The following LGR5 variants were observed in gnomAD, a reference collection of about 807,000 sequenced individuals.
LGR5 encodes the protein leucine rich repeat containing G protein-coupled receptor 5.
In LGR5, 54 loss-of-function variants were observed where a neutral mutation model predicts 76.7. The observed-to-expected ratio is 0.70, with a 90% CI of 0.57 to 0.88. LGR5 has a LOEUF of 0.88. LGR5 is among the 40% of genes least tolerant of loss of function. The probability of loss-of-function intolerance (pLI) is 0.00; values close to 1 mark genes in which losing one functional copy is unlikely to be tolerated. For synonymous variants in LGR5, 406 were observed against 421.9 expected, an observed-to-expected ratio of 0.96 and a Z score of 0.46; for missense variants, 1,078 against 1,073.3, an observed-to-expected ratio of 1.00 and a Z score of -0.06.
chr12:71,509,759 T>A (rs1424680743), intron 2 of LGR5, among the ~76,000 whole-genome samples: 2 of 152,174 alleles, frequency 1.3e-5, no homozygotes, highest in African/African-American at 4.8e-5. Flanking sequence ...AGTAGTATTT[T>A]AAAATCTTCC....
chr12:71,472,178 C>T (rs960738439), intron 1 of LGR5, among the ~76,000 whole-genome samples: 2 of 152,146 alleles, frequency 1.3e-5, no homozygotes, highest in African/African-American at 4.8e-5. Context: ...GATGTGCCTG[C>T]AGCATATATA....
At chr12:71,505,833 T>C (rs1874825154) in intron 2 of LGR5, among the ~76,000 whole-genome samples, 1 of 152,174 alleles carries the variant, frequency 6.6e-6, no homozygotes, top group Non-Finnish European at 1.5e-5. Flanking sequence ...GATTTCTAGA[T>C]TGTATAGAAG....
At chr12:71,503,796 C>G (rs2137302498) in intron 1 of LGR5, among the ~76,000 whole-genome samples, 1 of 152,292 alleles carries the variant, frequency 6.6e-6, no homozygotes, top group East Asian at 1.9e-4. Flanking sequence ...TGATTAGAAT[C>G]TGTCCAGCTG....
chr12:71,576,119 A>G (rs1878844518), intron 13 of LGR5, among the ~76,000 whole-genome samples: 1 of 152,170 alleles, frequency 6.6e-6, no homozygotes, highest in Non-Finnish European at 1.5e-5. Context: ...CATCAGGATA[A>G]ATAGTTAATG....
intron 3 of LGR5, among the ~76,000 whole-genome samples, chr12:71,528,784 CAA>C: frequency 6.6e-6 from 1 of 152,294 alleles, no homozygotes; most frequent in African/African-American, 2.4e-5. Flanking sequence ...TACTGCCTAG[CAA>C]AGTCTACCAC....
intron 17 of LGR5, among the ~76,000 whole-genome samples, chr12:71,582,911 G>T (rs1311820375): frequency 6.7e-6 from 1 of 148,644 alleles, no homozygotes; most frequent in East Asian, 2.0e-4. Flanking sequence ...ATAACTATTT[G>T]GTAAAAGCAA....
intron 11 of LGR5, among the ~76,000 whole-genome samples, chr12:71,568,415 T>C (rs963870632): frequency 7.2e-5 from 11 of 152,168 alleles, no homozygotes; most frequent in Non-Finnish European, 8.8e-5. Flanking sequence ...TGACTACATG[T>C]CAAACAGTTA....
At chr12:71,537,482 G>A (rs1034621259) in intron 4 of LGR5, among the ~76,000 whole-genome samples, 1 of 151,544 alleles carries the variant, frequency 6.6e-6, no homozygotes, top group Non-Finnish European at 1.5e-5. Flanking sequence ...AGTAAGAAAA[G>A]AAAAGAAAAG....
chr12:71,562,644 G>A (rs947251539), intron 8 of LGR5, among the ~76,000 whole-genome samples: 8 of 152,162 alleles, frequency 5.3e-5, no homozygotes, highest in African/African-American at 1.7e-4. Context: ...ACAGTAGAAT[G>A]ATGATATACA....
intron 3 of LGR5, among the ~76,000 whole-genome samples, chr12:71,534,325 C>T (rs1279962457): frequency 6.6e-6 from 1 of 152,084 alleles, no homozygotes; most frequent in African/African-American, 2.4e-5. Flanking sequence ...ATTCTGTAGT[C>T]CCCATATTAT....
intron 3 of LGR5, among the ~76,000 whole-genome samples, chr12:71,532,963 G>A (rs1876399249): frequency 2.0e-5 from 3 of 152,178 alleles, no homozygotes; most frequent in Non-Finnish European, 2.9e-5. Context: ...AGGCTGAGGC[G>A]GGAGGATCCC....
intron 2 of LGR5, among the ~76,000 whole-genome samples, chr12:71,508,977 C>T (rs536954056): frequency 6.6e-6 from 1 of 152,172 alleles, no homozygotes; most frequent in East Asian, 1.9e-4. Flanking sequence ...TGTGACTCTA[C>T]AAGGTGACCA....
In LGR5 at chr12:71,468,958, C is replaced by T. The variant is rs143518074; in HGVS notation, c.212+28666C>T. ...TATTAATATAAGAGCTGTAAATAGC[C>T]CCCCAAATATTAAAAGTGTAATGTC... On this transcript the variant is annotated intron_variant, in intron 1 of 17. Transcript: ENST00000266674. Among the ~76,000 whole-genome samples, 536 of 151,906 alleles carry T rather than the reference C, an allele frequency of 3.5e-3. 4 individuals carry two copies. The highest frequency in any genetic ancestry group is 0.012 in the African/African-American group (488 of 41,416).
intron 16 of LGR5, 36 bp from the exon 17 acceptor site, chr12:71,582,420 T>TCAGA: frequency 6.4e-7 from 1 of 1,574,606 alleles, no homozygotes; most frequent in Non-Finnish European, 8.7e-7. Context: ...GAAAAGAGAG[T>TCAGA]CAGAACTAAT....
At chr12:71,483,293 G>A (rs1257830109) in intron 1 of LGR5, among the ~76,000 whole-genome samples, 3 of 152,078 alleles carry the variant, frequency 2.0e-5, no homozygotes, top group East Asian at 1.9e-4. Context: ...GAGATGAACC[G>A]GTGGAGTCAA....
chr12:71,456,399 G>A (rs866721887), intron 1 of LGR5, among the ~76,000 whole-genome samples: 18 of 152,172 alleles, frequency 1.2e-4, no homozygotes, highest in African/African-American at 4.1e-4. Flanking sequence ...TGGCAGGGTT[G>A]TGTTCTTTGA....
chr12:71,555,932 C>T (rs1161544154), intron 5 of LGR5, among the ~76,000 whole-genome samples: 2 of 152,248 alleles, frequency 1.3e-5, no homozygotes, highest in Middle Eastern at 3.4e-3. Flanking sequence ...CTGAAATGCC[C>T]ATCAATGATA....
intron 1 of LGR5, among the ~76,000 whole-genome samples, chr12:71,478,612 T>G (rs1873444596): frequency 6.6e-6 from 1 of 152,210 alleles, no homozygotes; most frequent in Non-Finnish European, 1.5e-5. Flanking sequence ...TCCCATAGCA[T>G]AATTTAAAAG....
intron 1 of LGR5, among the ~76,000 whole-genome samples, chr12:71,466,958 A>G (rs1282140350): frequency 2.0e-5 from 3 of 152,034 alleles, no homozygotes; most frequent in Admixed American, 2.0e-4. Context: ...AAGGTAGGGT[A>G]TGAATGCTTG....
Sources: allele counts gnomAD v4.1 joint callset (sites outside exome capture counted in the v4.1 genomes callset), GRCh38; gene constraint gnomAD v4.1.1; transcripts MANE v1.5; gene names NCBI Gene and HGNC (gene_info 2026-07-23, HGNC 2026-07-21).